MAD1L1: variants seen among roughly 807,000 people sequenced by gnomAD.
MAD1L1 encodes mitotic spindle assembly checkpoint protein MAD1.
In MAD1L1, 95 loss-of-function variants were observed where a neutral mutation model predicts 96.9. The observed-to-expected ratio is 0.98, with a 90% CI of 0.83 to 1.16. MAD1L1 has a LOEUF of 1.16. MAD1L1 is among the 50% of genes most tolerant of loss of function. The probability of loss-of-function intolerance (pLI) is 0.00; values close to 1 mark genes in which losing one functional copy is unlikely to be tolerated. For synonymous variants in MAD1L1, 473 were observed against 396.6 expected, an observed-to-expected ratio of 1.19 and a Z score of -2.29; for missense variants, 1,007 against 954.4, an observed-to-expected ratio of 1.06 and a Z score of -0.73.
chr7:2,029,203 T>C (rs1432339355), intron 12 of MAD1L1, among the ~76,000 whole-genome samples: 3 of 152,222 alleles, frequency 2.0e-5, no homozygotes, highest in East Asian at 1.9e-4. Context: ...TTAGTCACAG[T>C]AGCCAAGAAA....
intron 11 of MAD1L1, among the ~76,000 whole-genome samples, chr7:2,070,459 G>T (rs909611852): frequency 6.6e-6 from 1 of 152,196 alleles, no homozygotes; most frequent in African/African-American, 2.4e-5. Flanking sequence ...CCGAGAGGAG[G>T]AGAGTCAGGA....
intron 14 of MAD1L1, among the ~76,000 whole-genome samples, chr7:1,999,918 T>C (rs114836580): frequency 0.011 from 1,687 of 152,188 alleles, 28 homozygotes; most frequent in African/African-American, 0.039. Flanking sequence ...GCACCTGCCC[T>C]CCACGGAGTA....
At position 2,232,893 on chromosome 7, in the gene MAD1L1, T is replaced by A. The variant is rs1188274548; in HGVS notation, c.-211A>T. The stretch of plus-strand genomic sequence containing the variant: ...TTACCTCAGCCGCTCGCAGCCAGCT[T>A]GCCGCCGCCGCTCGGATCTCCCTCC... On this transcript the variant is annotated 5_prime_UTR_variant, in exon 1 of 19. It introduces an in-frame stop codon into an upstream open reading frame of the 5' UTR. Transcript: ENST00000265854. 1.3e-5 allele frequency: 2 copies of A among 152,246 alleles called. No homozygotes were observed. The highest frequency in any genetic ancestry group is 2.4e-5 in the African/African-American group (1 of 41,454). The allele number at this position is 152,246 out of a possible 1,614,324, so 9.4% of individuals were successfully genotyped here. A position where few individuals can be genotyped will look rare whatever the true frequency, so the allele number is the denominator to read the frequency against.
intron 15 of MAD1L1, among the ~76,000 whole-genome samples, chr7:1,974,019 G>T (rs778648580): frequency 6.6e-6 from 1 of 152,212 alleles, no homozygotes; most frequent in African/African-American, 2.4e-5. Flanking sequence ...CTGCTTCTGG[G>T]AGTGAAGGGC....
intron 10 of MAD1L1, among the ~76,000 whole-genome samples, chr7:2,161,544 G>A (rs1346156940): frequency 1.3e-5 from 2 of 152,138 alleles, no homozygotes; most frequent in African/African-American, 4.8e-5. Flanking sequence ...AGGAAGTGAG[G>A]AGCGTCTCTG....
At chr7:2,217,089 G>C (rs1333669204) in intron 7 of MAD1L1, among the ~76,000 whole-genome samples, 2 of 152,270 alleles carry the variant, frequency 1.3e-5, no homozygotes, top group Non-Finnish European at 2.9e-5. Context: ...GGCACTCCAT[G>C]GTAAAACATC....
intron 18 of MAD1L1, among the ~76,000 whole-genome samples, chr7:1,822,831 G>A (rs1001764147): frequency 8.6e-5 from 13 of 150,836 alleles, no homozygotes; most frequent in African/African-American, 3.2e-4. Flanking sequence ...TCCTGATGTT[G>A]AGAACCGTAC....
chr7:2,105,745 G>A (rs1787055386), intron 11 of MAD1L1, among the ~76,000 whole-genome samples: 1 of 152,008 alleles, frequency 6.6e-6, no homozygotes, highest in African/African-American at 2.4e-5. Flanking sequence ...TTCCAGATGA[G>A]ACCAGAAAGT....
At chr7:2,197,119 G>A (rs746496367) in intron 10 of MAD1L1, among the ~76,000 whole-genome samples, 2 of 152,210 alleles carry the variant, frequency 1.3e-5, no homozygotes, top group South Asian at 2.1e-4. Flanking sequence ...CTGCCAACCT[G>A]TCCAGCTTCT....
At chr7:1,924,982 C>A (rs968404937) in intron 17 of MAD1L1, among the ~76,000 whole-genome samples, 2 of 151,828 alleles carry the variant, frequency 1.3e-5, no homozygotes, top group South Asian at 2.1e-4. Flanking sequence ...GACATAGATA[C>A]ATCAAAATGG....
At chr7:2,034,645 G>A (rs1783385859) in intron 12 of MAD1L1, among the ~76,000 whole-genome samples, 1 of 152,248 alleles carries the variant, frequency 6.6e-6, no homozygotes, top group African/African-American at 2.4e-5. Context: ...AGCACACAAG[G>A]CTGCCAGCTC....
At chr7:2,072,166 T>C (rs764607480) in intron 11 of MAD1L1, among the ~76,000 whole-genome samples, 3 of 152,028 alleles carry the variant, frequency 2.0e-5, no homozygotes, top group Non-Finnish European at 4.4e-5. Flanking sequence ...TCACCCAGGG[T>C]CTGACAGCAC....
chr7:1,980,397 G>T, intron 15 of MAD1L1, 56 bp downstream of exon 15: 2 of 1,458,036 alleles, frequency 1.4e-6, no homozygotes, highest in Non-Finnish European at 1.9e-6. Flanking sequence ...GGGCGTATCC[G>T]CCTCCTCTCT....
intron 11 of MAD1L1, among the ~76,000 whole-genome samples, chr7:2,075,113 A>G (rs1286885015): frequency 6.6e-6 from 1 of 152,100 alleles, no homozygotes; most frequent in Non-Finnish European, 1.5e-5. Context: ...GCGTCTCGAG[A>G]GGAGGGGAAG....
intron 13 of MAD1L1, among the ~76,000 whole-genome samples, chr7:2,014,114 G>C (rs59822957): frequency 0.042 from 6,404 of 152,286 alleles, 215 homozygotes; most frequent in East Asian, 0.088. Flanking sequence ...GCGGGGACTA[G>C]AGCCCTGGCA....
intron 10 of MAD1L1, among the ~76,000 whole-genome samples, chr7:2,175,673 T>C (rs1456585856): frequency 6.6e-6 from 1 of 152,164 alleles, no homozygotes; most frequent in Non-Finnish European, 1.5e-5. Context: ...CTCAGGCTTG[T>C]TGAATGACTG....
At chr7:1,844,454 G>T (rs1168720010) in intron 18 of MAD1L1, among the ~76,000 whole-genome samples, 3 of 152,158 alleles carry the variant, frequency 2.0e-5, no homozygotes, top group Admixed American at 2.0e-4. Context: ...GCGAGGTGTG[G>T]GACATGGACG....
chr7:2,172,689 C>T (rs1320242421), intron 10 of MAD1L1, among the ~76,000 whole-genome samples: 1 of 152,224 alleles, frequency 6.6e-6, no homozygotes, highest in African/African-American at 2.4e-5. Context: ...GATGGGCCCT[C>T]GCACGGGTCT....
At chr7:1,892,184 A>C (rs1786585351) in intron 18 of MAD1L1, among the ~76,000 whole-genome samples, 1 of 152,220 alleles carries the variant, frequency 6.6e-6, no homozygotes, top group South Asian at 2.1e-4. Context: ...TGCATTCAGC[A>C]CAGTCACGCA....
Sources: allele counts gnomAD v4.1 joint callset (sites outside exome capture counted in the v4.1 genomes callset), GRCh38; gene constraint gnomAD v4.1.1; transcripts MANE v1.5; gene names NCBI Gene and HGNC (gene_info 2026-07-23, HGNC 2026-07-21).